The following GCAT variants were observed in gnomAD, a reference collection of about 807,000 sequenced individuals.
GCAT encodes 2-amino-3-ketobutyrate coenzyme A ligase, mitochondrial.
Under a neutral mutation model 39.7 loss-of-function variants are expected in GCAT, and 26 were observed. That is an observed-to-expected ratio of 0.65 (90% CI 0.48 to 0.91). The LOEUF is 0.91. GCAT is among the 40% of genes least tolerant of loss of function. GCAT has a pLI of 0.00. For synonymous variants in GCAT, 218 were observed against 237.2 expected (o/e 0.92, Z 0.74); for missense variants, 550 against 576.2 (o/e 0.95, Z 0.47).
At chr22:37,815,912 A>G in intron 7 of GCAT, 78 bp downstream of exon 7, 8 of 1,544,124 alleles carry the variant, frequency 5.2e-6, no homozygotes, top group Non-Finnish European at 7.1e-6. Context: ...CCAGGCCCAC[A>G]GACAGCTCTG....
Position 37,816,602 on chromosome 22 carries a change from C to T in GCAT, c.1144C>T (p.Pro382Ser), listed in dbSNP as rs1922227244. The T allele has an allele frequency of 6.2e-7, 1 of 1,614,062 alleles. No individual in the cohort carries two copies. The highest frequency in any genetic ancestry group is 8.5e-7 in the Non-Finnish European group (1 of 1,180,036). The change falls in exon 9 of 9, where the codon CCC (proline) becomes TCC (serine). Residue 382 changes from proline (P) to serine (S), a missense_variant. Physicochemically the swap from Pro to Ser is moderately conservative, Grantham distance 74. This residue lies in a region of GCAT where 378 missense variants were observed against 390.4 expected (regional missense o/e 0.97). Transcript: ENST00000248924. ...CATCGGGTTCAGCTACCCCGTGGTC[C>T]CCAAGGGCAAGGCCCGGATCCGGGT... ...FVIGFSYPVV[P>S]KGKARIRVQI... is the part of the protein sequence containing the mutation.
rs139171271 is a variant in GCAT, at chr22:37,813,110, C to A, written c.429+122C>A. 13 of 747,594 alleles carry A rather than the reference C, an allele frequency of 1.7e-5. No individual in the cohort carries two copies. In the Admixed American group the frequency reaches 2.6e-4, roughly 15 times the overall value. 46.3% of individuals were successfully genotyped at this position (747,594 alleles called of 1,614,324 possible). A position where few individuals can be genotyped will look rare whatever the true frequency, so the allele number is the denominator to read the frequency against. ...TGCCATGCCTAGAGGCTCCAGAGCC[C>A]GCTTCTGGAGGTCAAGGTTGGGCCA... On this transcript the variant is annotated intron_variant, in intron 3 of 8. Transcript: ENST00000248924.
chr22:37,815,639 C>T (rs774196903), intron 6 of GCAT, 24 bp from the exon 7 acceptor site: 2 of 1,575,620 alleles, frequency 1.3e-6, no homozygotes, highest in South Asian at 2.2e-5. Flanking sequence ...CAACCCCTCC[C>T]CCCACCTCTT....
At chr22:37,809,820 A>C (rs78837898) in intron 1 of GCAT, 5 of 217,958 alleles carry the variant, frequency 2.3e-5, no homozygotes, top group Non-Finnish European at 4.5e-5. Context: ...ACCCTGTCTC[A>C]AAAAAAAAAA....
intron 2 of GCAT, 90 bp from the exon 3 acceptor site, chr22:37,812,797 G>A: frequency 2.3e-6 from 2 of 853,034 alleles, no homozygotes; most frequent in South Asian, 1.4e-5. Flanking sequence ...TTCTGGGTTG[G>A]GTCTCTGTGG....
In GCAT at chr22:37,813,340, T is replaced by C. The variant is rs562487535; in HGVS notation, c.430-123T>C. On this transcript the variant is annotated intron_variant, in intron 3 of 8. Transcript: ENST00000248924. Reference sequence around the variant, plus strand: ...GCCCCAGAGAGAAGCACAGAACACCTTGCCTCTCTACCCAGAGGAGCGCCC... The same window carrying C: ...GCCCCAGAGAGAAGCACAGAACACCCTGCCTCTCTACCCAGAGGAGCGCCC... The C allele has an allele frequency of 5.2e-5, 56 of 1,082,160 alleles. No homozygotes were observed. In the East Asian group the frequency reaches 1.4e-3, roughly 27 times the overall value. 67.0% of individuals were successfully genotyped at this position (1,082,160 alleles called of 1,614,324 possible).
Position 37,816,186 on chromosome 22 carries a change from C to G in GCAT, c.987-14C>G. On this transcript the variant is annotated splice_polypyrimidine_tract_variant and intron_variant, in intron 7 of 8. Coordinates refer to ENST00000248924, the MANE Select transcript of GCAT (RefSeq NM_014291.4). ...CACGGCCCCTTAGCTACCTGTGACA[C>G]CTTGTGCCCACAGGTTCCGTAGTAA... 4 of 1,612,060 alleles carry G rather than the reference C, an allele frequency of 2.5e-6. No individual in the cohort carries two copies. Among genetic ancestry groups the G allele is most frequent in the East Asian group, 2.2e-5 (1 of 44,878 alleles).
rs1253669894 is a variant in GCAT at position 37,815,829 on chromosome 22, C to G, written c.981C>G (p.Thr327=). The part of the protein sequence containing the change: ...NTIVQSMAAK[T]QRFRSKMEAA... ...TTGTCCAGTCTATGGCTGCCAAGAC[C>G]CAGAGGTGCGACTCCCAGCAGGGCA... is the stretch of plus-strand genomic sequence containing the variant. Residue 327 remains threonine, a synonymous_variant, in exon 7 of 9, where the codon ACC becomes ACG. Transcript: ENST00000248924. 1.2e-6 allele frequency: 2 copies of G among 1,613,736 alleles called. No individual in the cohort carries two copies. Among genetic ancestry groups the G allele is most frequent in the East Asian group, 2.2e-5 (1 of 44,892 alleles).
In GCAT at chr22:37,808,121, T is replaced by A. The variant is rs764427730; in HGVS notation, c.154T>A (p.Ser52Thr). The A allele has an allele frequency of 1.3e-6, 2 of 1,553,800 alleles. No individual in the cohort carries two copies. Reference sequence around the variant, plus strand: ...TTGGAAGAGTGAGCGGGTCATCACGTCCCGTCAGGGGCCGCACATCCGCGT... The same window carrying A: ...TTGGAAGAGTGAGCGGGTCATCACGACCCGTCAGGGGCCGCACATCCGCGT... Reference protein sequence around the residue: ...GTWKSERVITSRQGPHIRVDG... With the variant: ...GTWKSERVITTRQGPHIRVDG... Residue 52 changes from serine to threonine, a missense_variant, in exon 1 of 9, where the codon TCC becomes ACC. By Grantham distance (58) the Ser-to-Thr change is moderately conservative. Transcript: ENST00000248924.
At chr22:37,817,019 C>T (rs1039327297), downstream of GCAT, 9 of 303,684 alleles carry the variant, frequency 3.0e-5, no homozygotes, top group African/African-American at 1.9e-4. Flanking sequence ...TGACCTCTTT[C>T]CCTAGATTAA....
chr22:37,808,439 T>G (rs1921214857), intron 1 of GCAT, among the ~76,000 whole-genome samples: 1 of 152,234 alleles, frequency 6.6e-6, no homozygotes, highest in South Asian at 2.1e-4. Flanking sequence ...TCCTGCTAAC[T>G]TCTAGACGCA....
At chr22:37,812,735 C>A in intron 2 of GCAT, 152 bp from the exon 3 acceptor site, 1 of 632,148 alleles carries the variant, frequency 1.6e-6, no homozygotes, top group South Asian at 1.8e-5. Flanking sequence ...TTCCTGGCAG[C>A]TCTGGGATAG....
chr22:37,814,594 A>G (rs1363703276), intron 4 of GCAT, among the ~76,000 whole-genome samples: 1 of 151,930 alleles, frequency 6.6e-6, no homozygotes, highest in African/African-American at 2.4e-5. Flanking sequence ...GGGTCTCACT[A>G]TAATGCTCAG....
intron 1 of GCAT, 154 bp from the exon 2 acceptor site, chr22:37,809,873 C>T (rs1393988995): frequency 1.1e-6 from 1 of 926,276 alleles, no homozygotes; most frequent in Non-Finnish European, 1.7e-6. Context: ...CACTGACGCT[C>T]CTTCTGTAGC....
chr22:37,816,086 T>C, intron 7 of GCAT, 114 bp from the exon 8 acceptor site: 1 of 1,314,158 alleles, frequency 7.6e-7, no homozygotes, highest in Non-Finnish European at 1.0e-6. Context: ...CTTGTAACTG[T>C]CTTTGTTGAT....
chr22:37,811,454 C>A (rs1183056168), intron 2 of GCAT, among the ~76,000 whole-genome samples: 1 of 134,454 alleles, frequency 7.4e-6, no homozygotes, highest in Non-Finnish European at 1.5e-5. Flanking sequence ...GCACTCCAGC[C>A]TGAGCAACAG....
Position 37,813,653 on chromosome 22 carries a change from G to A in GCAT, c.576+44G>A, listed in dbSNP as rs374236815. On this transcript the variant is annotated intron_variant, in intron 4 of 8. Coordinates refer to ENST00000248924, the MANE Select transcript of GCAT (RefSeq NM_014291.4). ...CCACCCTCAGCCTCCGCCTGGGGAA[G>A]GAAGTGAGGCTTAGAGAGGCCAACT... 3.1e-4 allele frequency: 483 copies of A among 1,544,754 alleles called. 3 individuals carry two copies. The South Asian group carries it at 4.1e-3, about 13-fold the overall frequency.
chr22:37,816,545 C>A (rs1220860914), intron 8 of GCAT, 22 bp from the exon 9 acceptor site: 1 of 1,613,756 alleles, frequency 6.2e-7, no homozygotes, highest in Admixed American at 1.7e-5. Context: ...TTCTGGCACG[C>A]CCTTGCTTTC....
chr22:37,815,159 G>A lies in GCAT; in HGVS notation c.610G>A (p.Ala204Thr), dbSNP rs1471578241. The change falls in exon 5 of 9, where the codon GCC becomes ACC. Residue 204 changes from alanine (A) to threonine (T), a missense_variant. By Grantham distance (58) the Ala-to-Thr change is moderately conservative (BLOSUM62 0). Transcript: ENST00000248924. Reference protein sequence around the residue: ...HRLRLVATDGAFSMDGDIAPL... With the variant: ...HRLRLVATDGTFSMDGDIAPL... ...GCTGCGCCTGGTGGCCACTGATGGGGCCTTTTCCATGGATGGCGACATCGC... is the reference window on the plus strand; with the variant it reads ...GCTGCGCCTGGTGGCCACTGATGGGACCTTTTCCATGGATGGCGACATCGC... 9 of 1,614,084 alleles carry A rather than the reference G, an allele frequency of 5.6e-6. No individual in the cohort carries two copies. In the East Asian group the frequency reaches 1.1e-4, roughly 20 times the overall value.
Sources: allele counts gnomAD v4.1 joint callset (sites outside exome capture counted in the v4.1 genomes callset), GRCh38; gene constraint gnomAD v4.1.1; regional missense constraint gnomAD v4.1.1; transcripts MANE v1.5; gene names NCBI Gene and HGNC (gene_info 2026-07-23, HGNC 2026-07-21).